APCDD1: variants seen among roughly 807,000 people sequenced by gnomAD.
The protein encoded by APCDD1 is protein APCDD1.
Under a neutral mutation model 38.1 loss-of-function variants are expected in APCDD1, and 15 were observed. That is an observed-to-expected ratio of 0.39 (90% confidence interval 0.26 to 0.61). The LOEUF (loss-of-function observed/expected upper bound fraction) is 0.61, where lower values mean the gene tolerates loss of function less well. Among genes scored for constraint, APCDD1 ranks in the 20% least tolerant of loss-of-function variants. APCDD1 has a pLI of 0.49. For missense variants in APCDD1, 647 were observed against 696.2 expected (o/e 0.93, Z 0.79); for synonymous variants, 261 against 279.7 (o/e 0.93, Z 0.67).
rs538573912 is a variant in APCDD1, at chr18:10,458,947, C to A, written c.58+3908C>A. 9.9e-5 allele frequency among the ~76,000 whole-genome samples: 15 copies of A among 152,252 alleles called. No individual in the cohort carries two copies. The East Asian group carries it at 2.9e-3, about 29-fold the overall frequency. ...TTGTGTACATAGGCCATTGCTTAGT[C>A]CTCTCCAGTTTGGGAATAAAATTAT... On this transcript the variant is annotated intron_variant, in intron 1 of 4. Transcript: ENST00000355285.
intron 1 of APCDD1, 132 bp downstream of exon 1, chr18:10,455,171 G>A: frequency 7.2e-7 from 1 of 1,387,236 alleles, no homozygotes; most frequent in South Asian, 1.5e-5. Context: ...GGTCCGAGGG[G>A]AGCCCCGCGC....
rs780898492 is a variant in APCDD1 at position 10,455,064 on chromosome 18, C to A, written c.58+25C>A. The A allele has an allele frequency of 8.9e-5, 138 of 1,553,680 alleles. 3 individuals carry two copies. In the South Asian group the frequency reaches 1.1e-3, roughly 12 times the overall value. ...GGTGAGTTCCCGAGGGCCACTCGAG[C>A]GCTCCCAGCCGGCGGAGGCAGCCCG... On this transcript the variant is annotated intron_variant, in intron 1 of 4. Coordinates refer to ENST00000355285, the MANE Select transcript of APCDD1 (RefSeq NM_153000.5).
Position 10,454,907 on chromosome 18 carries a change from G to A in APCDD1, c.-75G>A. 1.4e-6 allele frequency: 2 copies of A among 1,428,148 alleles called. No homozygotes were observed. The highest frequency in any genetic ancestry group is 1.5e-5 in the African/African-American group (1 of 67,178). The allele number at this position is 1,428,148 out of a possible 1,614,324, so 88.5% of individuals were successfully genotyped here. Reference sequence around the variant, plus strand: ...CGGCCGCACCCGGCCGGAGGCGGAGGGCAGAGCGCGCGCCCAGTTGCCCGG... The same window carrying A: ...CGGCCGCACCCGGCCGGAGGCGGAGAGCAGAGCGCGCGCCCAGTTGCCCGG... On this transcript the variant is annotated 5_prime_UTR_variant, in exon 1 of 5. Coordinates refer to ENST00000355285, the MANE Select transcript of APCDD1 (RefSeq NM_153000.5).
In APCDD1 at chr18:10,469,068, T is replaced by C. The variant is rs1219640724; in HGVS notation, c.242+416T>C. ...GTAATTTAATATATGGCTTCAGGGT[T>C]CTAAGAGTAAGTTAAAAGCTACCTC... On this transcript the variant is annotated intron_variant, in intron 2 of 4. Transcript: ENST00000355285. The surrounding 1 kb of genome is among the most constrained non-coding windows in gnomAD (Gnocchi z 5.5). Among the ~76,000 whole-genome samples the C allele has an allele frequency of 6.6e-6, 1 of 152,242 alleles. No homozygotes were observed. Among genetic ancestry groups the C allele is most frequent in the African/African-American group, 2.4e-5 (1 of 41,462 alleles).
intron 1 of APCDD1, among the ~76,000 whole-genome samples, chr18:10,459,087 C>T (rs2030460237): frequency 1.3e-5 from 2 of 152,182 alleles, no homozygotes; most frequent in Non-Finnish European, 2.9e-5. Context: ...TTCATTCATT[C>T]AGCTAACCAT....
Position 10,454,661 on chromosome 18 carries a change from G to A in APCDD1, c.-321G>A. ...AAGAGACGCTGCAGCTGCGGTGGCG[G>A]TGGCGGCCACTGCAGCTCAGAGCGG... On this transcript the variant is annotated 5_prime_UTR_variant, in exon 1 of 5. It adds an upstream start codon to the 5' untranslated region. Coordinates refer to ENST00000355285, the MANE Select transcript of APCDD1 (RefSeq NM_153000.5). 9.7e-7 allele frequency: 1 copy of A among 1,034,582 alleles called. No homozygotes were observed. The highest frequency in any genetic ancestry group is 3.3e-5 in the South Asian group (1 of 30,256). 64.1% of individuals were successfully genotyped at this position (1,034,582 alleles called of 1,614,324 possible). A position where few individuals can be genotyped will look rare whatever the true frequency, so the allele number is the denominator to read the frequency against.
At chr18:10,456,876 A>G (rs1486592456) in intron 1 of APCDD1, among the ~76,000 whole-genome samples, 1 of 152,218 alleles carries the variant, frequency 6.6e-6, no homozygotes, top group Admixed American at 6.5e-5. Flanking sequence ...ATTGGGGAGC[A>G]AGGAAATAAC....
In APCDD1 at chr18:10,454,681, G is replaced by C. The variant is rs1014380215; in HGVS notation, c.-301G>C. The C allele has an allele frequency of 3.0e-6, 3 of 988,888 alleles. No homozygotes were observed. The highest frequency in any genetic ancestry group is 8.9e-5 in the South Asian group (2 of 22,558). 61.3% of individuals were successfully genotyped at this position (988,888 alleles called of 1,614,324 possible). ...TGGCGGTGGCGGCCACTGCAGCTCA[G>C]AGCGGCGCACGCGGCGGCCGGGGCG... On this transcript the variant is annotated 5_prime_UTR_variant, in exon 1 of 5. Transcript: ENST00000355285.
chr18:10,478,429 G>A (rs1224033262), intron 3 of APCDD1, among the ~76,000 whole-genome samples: 1 of 152,188 alleles, frequency 6.6e-6, no homozygotes, highest in East Asian at 1.9e-4. Context: ...AGCATGGACT[G>A]GGGACAGCCA....
Position 10,469,079 on chromosome 18 carries a change from G to A in APCDD1, c.242+427G>A, listed in dbSNP as rs1395808805. Among the ~76,000 whole-genome samples the A allele has an allele frequency of 6.6e-6, 1 of 152,230 alleles. No individual in the cohort carries two copies. The highest frequency in any genetic ancestry group is 1.5e-5 in the Non-Finnish European group (1 of 68,030). On this transcript the variant is annotated intron_variant, in intron 2 of 4. Transcript: ENST00000355285. This position sits in a 1 kb window ranked among gnomAD's most constrained non-coding sequence, Gnocchi z 5.5. ...TATGGCTTCAGGGTTCTAAGAGTAA[G>A]TTAAAAGCTACCTCTACTAGCCAGG...
At chr18:10,486,093 T>C (rs1357688792) in intron 4 of APCDD1, among the ~76,000 whole-genome samples, 2 of 152,232 alleles carry the variant, frequency 1.3e-5, no homozygotes, top group Non-Finnish European at 2.9e-5. Flanking sequence ...GGCTCATGCC[T>C]GTAATCCCAA....
chr18:10,474,662 T>C (rs1417368454), intron 3 of APCDD1, among the ~76,000 whole-genome samples: 2 of 152,190 alleles, frequency 1.3e-5, no homozygotes, highest in Admixed American at 6.5e-5. Context: ...GTTTATTTTC[T>C]TACCTGCCTC....
rs2030790704 is a variant in APCDD1, at chr18:10,469,133, A to G, written c.242+481A>G. ...CAGTTCTTGGATTCTTTTCCATGCT[A>G]TGAAGCTGAGATTTATCCCAGTTTG... On this transcript the variant is annotated intron_variant, in intron 2 of 4. Coordinates refer to ENST00000355285, the MANE Select transcript of APCDD1 (RefSeq NM_153000.5). The surrounding 1 kb of genome is among the most constrained non-coding windows in gnomAD (Gnocchi z 5.5). Among the ~76,000 whole-genome samples, 2 of 152,220 alleles carry G rather than the reference A, an allele frequency of 1.3e-5. No individual in the cohort carries two copies. The highest frequency in any genetic ancestry group is 6.5e-5 in the Admixed American group (1 of 15,282).
In APCDD1 at chr18:10,454,849, C is replaced by G; in HGVS notation, c.-133C>G. The G allele has an allele frequency of 9.4e-7, 1 of 1,058,976 alleles. No individual in the cohort carries two copies. The highest frequency in any genetic ancestry group is 1.7e-5 in the African/African-American group (1 of 58,548). The allele number at this position is 1,058,976 out of a possible 1,614,324, so 65.6% of individuals were successfully genotyped here. ...CGCGCCTAGCCCGCCGGGCATGGGG[C>G]GCGCGGCAGCCGCCTGAAGCCCCGG... On this transcript the variant is annotated 5_prime_UTR_variant, in exon 1 of 5. Coordinates refer to ENST00000355285, the MANE Select transcript of APCDD1 (RefSeq NM_153000.5).
At chr18:10,455,477 G>A (rs1462520815) in intron 1 of APCDD1, among the ~76,000 whole-genome samples, 1 of 152,230 alleles carries the variant, frequency 6.6e-6, no homozygotes, top group African/African-American at 2.4e-5. Context: ...GTTTAGGAGA[G>A]TGGAAAGAGA....
At position 10,488,843 on chromosome 18, in the gene APCDD1, G is replaced by A. The variant is rs1398627309; in HGVS notation, c.*805G>A. The A allele has an allele frequency of 7.1e-6, 1 of 141,642 alleles. No homozygotes were observed. The highest frequency in any genetic ancestry group is 1.5e-5 in the Non-Finnish European group (1 of 67,008). The allele number at this position is 141,642 out of a possible 1,614,324, so 8.8% of individuals were successfully genotyped here. On this transcript the variant is annotated 3_prime_UTR_variant, in exon 5 of 5. Coordinates refer to ENST00000355285, the MANE Select transcript of APCDD1 (RefSeq NM_153000.5). ...GCAACATCAATCCTGTTACACAGGA[G>A]CAGTGACACGGGTGGCTGCAGTGTG...
At chr18:10,466,585 T>C (rs2030719966) in intron 1 of APCDD1, among the ~76,000 whole-genome samples, 1 of 152,172 alleles carries the variant, frequency 6.6e-6, no homozygotes, top group Non-Finnish European at 1.5e-5. Flanking sequence ...GAATCAAGCA[T>C]GCTTGCTTCC....
chr18:10,458,174 C>T (rs536320763), intron 1 of APCDD1, among the ~76,000 whole-genome samples: 8 of 152,312 alleles, frequency 5.3e-5, no homozygotes, highest in South Asian at 2.1e-4. Flanking sequence ...ATTCTCTTTG[C>T]TAATGGAAAC....
intron 1 of APCDD1, among the ~76,000 whole-genome samples, chr18:10,456,537 A>G (rs931305338): frequency 9.8e-5 from 15 of 152,368 alleles, no homozygotes; most frequent in African/African-American, 3.6e-4. Context: ...TTAAAAAATT[A>G]CTTAAAAAGT....
Sources: allele counts gnomAD v4.1 joint callset (sites outside exome capture counted in the v4.1 genomes callset), GRCh38; gene constraint gnomAD v4.1.1; non-coding constraint Gnocchi (gnomAD v3.1); transcripts MANE v1.5; gene names NCBI Gene and HGNC (gene_info 2026-07-23, HGNC 2026-07-21).